Variants in GTF2I observed in about 807,000 individuals in gnomAD.
GTF2I encodes general transcription factor II-I.
GTF2I carries 12 observed loss-of-function variants against 67.6 expected under a neutral mutation model. That is an observed-to-expected ratio of 0.18 (90% CI 0.11 to 0.29). GTF2I has a LOEUF of 0.29. Ranked by LOEUF, GTF2I falls within the 10% of genes least tolerant of loss-of-function variation. The pLI, the probability that GTF2I is intolerant of heterozygous loss-of-function variation, is 1.00. For missense variants in GTF2I, 271 were observed against 580.1 expected, an observed-to-expected ratio of 0.47 and a Z score of 5.47; for synonymous variants, 149 against 197.0, an observed-to-expected ratio of 0.76 and a Z score of 2.04.
At chr7:74,705,327 A>G (rs1554401067) in intron 7 of GTF2I, 109 bp downstream of exon 7, 1 of 712,262 alleles carries the variant, frequency 1.4e-6, no homozygotes, top group Non-Finnish European at 2.5e-6. Flanking sequence ...CACACATCTT[A>G]AAGTTTAATA....
At chr7:74,688,887 T>C (rs1391653650) in intron 1 of GTF2I, 3 of 418,022 alleles carry the variant, frequency 7.2e-6, no homozygotes, top group Non-Finnish European at 1.3e-5. Flanking sequence ...CTGGATTTAT[T>C]TGGGGTGTGA....
intron 1 of GTF2I, among the ~76,000 whole-genome samples, chr7:74,688,393 T>C (rs1554396001): frequency 6.6e-6 from 1 of 152,188 alleles, no homozygotes; most frequent in Non-Finnish European, 1.5e-5. Context: ...TGTTTTTATA[T>C]GGTGTGTTGT....
rs782205618 is a variant in GTF2I, at chr7:74,714,873, T to C, written c.780T>C (p.Thr260=). The C allele has an allele frequency of 4.4e-6, 7 of 1,607,114 alleles. No homozygotes were observed. The East Asian group carries it at 1.6e-4, about 36-fold the overall frequency. The change falls in exon 10 of 35, where the codon ACT becomes ACC. Residue 260 remains threonine (T), a synonymous_variant. Transcript: ENST00000573035. ...QYNIQAGPSE[T]DDVDEKQPLS... is the part of the protein sequence containing the mutation. The stretch of plus-strand genomic sequence containing the variant: ...ATCCCAAAGCAGGCCCTTCTGAAAC[T>C]GATGATGTTGATGAAAAACAGCCCC...
chr7:74,731,601 G>A (rs1794486418), intron 14 of GTF2I, among the ~76,000 whole-genome samples: 1 of 148,990 alleles, frequency 6.7e-6, no homozygotes, highest in Non-Finnish European at 1.5e-5. Context: ...CTAGTCTGGA[G>A]TGGCACGATC....
chr7:74,672,368 C>G (rs1243869250), intron 1 of GTF2I, among the ~76,000 whole-genome samples: 1 of 151,988 alleles, frequency 6.6e-6, no homozygotes, highest in African/African-American at 2.4e-5. Flanking sequence ...TGGTGAAACC[C>G]CGTCTCTACT....
At position 74,739,022 on chromosome 7, in the gene GTF2I, A is replaced by G. The variant is rs1248472517; in HGVS notation, c.1678+919A>G. Among the ~76,000 whole-genome samples the G allele has an allele frequency of 1.0e-4, 3 of 29,608 alleles. No individual in the cohort carries two copies. The Admixed American group carries it at 1.4e-3, about 14-fold the overall frequency. 19.4% of individuals were successfully genotyped at this position (29,608 alleles called of 152,430 possible). On this transcript the variant is annotated intron_variant, in intron 19 of 34. Transcript: ENST00000573035. Reference sequence around the variant, plus strand: ...CTAAGTGTGCCTTTATTTCTTTCCTATCTTTTTTTTTTTTTTTTTTTTTTT... The same window carrying G: ...CTAAGTGTGCCTTTATTTCTTTCCTGTCTTTTTTTTTTTTTTTTTTTTTTT...
At chr7:74,682,654 C>A (rs1336472156) in intron 1 of GTF2I, among the ~76,000 whole-genome samples, 2 of 152,094 alleles carry the variant, frequency 1.3e-5, no homozygotes, top group Admixed American at 1.3e-4. Context: ...CGTAAAATAA[C>A]TAACTCACTA....
chr7:74,674,427 A>G (rs1805721739), intron 1 of GTF2I, among the ~76,000 whole-genome samples: 1 of 152,316 alleles, frequency 6.6e-6, no homozygotes, highest in Admixed American at 6.5e-5. Flanking sequence ...ACTTGCTCAC[A>G]TATCTTTCAC....
At chr7:74,704,014 T>A (rs1554400552) in intron 6 of GTF2I, among the ~76,000 whole-genome samples, 1 of 152,162 alleles carries the variant, frequency 6.6e-6, no homozygotes, top group Non-Finnish European at 1.5e-5. Context: ...ATCAAGACAA[T>A]TTACCCCTTT....
intron 12 of GTF2I, chr7:74,726,364 C>G (rs1018695665): frequency 6.6e-6 from 1 of 152,054 alleles, no homozygotes; most frequent in Admixed American, 6.6e-5. Context: ...GTTGGAAAAT[C>G]GGGTTTTTTA....
intron 6 of GTF2I, among the ~76,000 whole-genome samples, chr7:74,701,553 C>T (rs1554399901): frequency 6.6e-6 from 1 of 152,114 alleles, no homozygotes. Flanking sequence ...TCACTGCAGC[C>T]TCTGCTTCCC....
chr7:74,696,360 C>A (rs1158484179), intron 3 of GTF2I, among the ~76,000 whole-genome samples: 1 of 151,718 alleles, frequency 6.6e-6, no homozygotes, highest in East Asian at 1.9e-4. Flanking sequence ...GAGACAGAGT[C>A]TCACTATCGC....
chr7:74,664,494 C>T (rs1160856621), intron 1 of GTF2I, among the ~76,000 whole-genome samples: 2 of 152,114 alleles, frequency 1.3e-5, no homozygotes, highest in Admixed American at 6.6e-5. Flanking sequence ...AGTGCAATGG[C>T]GCGATCTCGG....
chr7:74,674,773 C>T lies in GTF2I; in HGVS notation c.-5-14351C>T, dbSNP rs183562324. Among the ~76,000 whole-genome samples, 1,221 of 151,788 alleles carry T rather than the reference C, an allele frequency of 8.0e-3. 10 individuals are homozygous for T. The highest frequency in any genetic ancestry group is 0.013 in the Non-Finnish European group (873 of 67,948). On this transcript the variant is annotated intron_variant, in intron 1 of 34. Coordinates refer to ENST00000573035, the MANE Select transcript of GTF2I (RefSeq NM_032999.4). Reference sequence around the variant, plus strand: ...TGTTGGTCAGGCTGGTCTTGAACTCCCAACCTCAGGTGATCCGCCCACCTC... The same window carrying T: ...TGTTGGTCAGGCTGGTCTTGAACTCTCAACCTCAGGTGATCCGCCCACCTC...
chr7:74,685,773 A>C (rs1325426014), intron 1 of GTF2I, among the ~76,000 whole-genome samples: 9 of 152,004 alleles, frequency 5.9e-5, no homozygotes, highest in Non-Finnish European at 1.3e-4. Flanking sequence ...TCTTAAAAAA[A>C]GAAAAAAAAA....
rs1446205472 is a variant in GTF2I, at chr7:74,735,761, C to T, written c.1435+229C>T. ...TCAGCTCACTGCAACCTCCTCCTCC[C>T]GGGTTCAAGCAATTCTCCTGCCTCA... On this transcript the variant is annotated intron_variant, in intron 17 of 34. Transcript: ENST00000573035. Among the ~76,000 whole-genome samples the T allele has an allele frequency of 2.2e-3, 163 of 72,614 alleles. 6 individuals carry two copies. In the East Asian group the frequency reaches 0.037, roughly 16 times the overall value. The allele number at this position is 72,614 out of a possible 152,430, so 47.6% of individuals were successfully genotyped here.
At position 74,704,847 on chromosome 7, in the gene GTF2I, CCT is replaced by C. The variant is rs782111236; in HGVS notation, c.587-316_587-315del. Among the ~76,000 whole-genome samples, 496 of 83,718 alleles carry C rather than the reference CCT, an allele frequency of 5.9e-3. 2 individuals carry two copies. Among genetic ancestry groups the C allele is most frequent in the Non-Finnish European group, 6.4e-3 (296 of 46,430 alleles). 54.9% of individuals were successfully genotyped at this position (83,718 alleles called of 152,430 possible). A position where few individuals can be genotyped will look rare whatever the true frequency, so the allele number is the denominator to read the frequency against. On this transcript the variant is annotated intron_variant, in intron 6 of 34. Transcript: ENST00000573035. ...ACCAACCTGGGCAACAGAGTAAAAC[CCT>C]GTTTCTAAAAAAAAAAAAAAAAAAA...
intron 1 of GTF2I, among the ~76,000 whole-genome samples, chr7:74,663,739 G>A (rs1241173763): frequency 5.3e-5 from 8 of 152,154 alleles, no homozygotes; most frequent in Admixed American, 2.6e-4. Flanking sequence ...ACTCATACTC[G>A]GTTAACTAAA....
chr7:74,718,106 C>T (rs782096590), intron 11 of GTF2I, among the ~76,000 whole-genome samples: 3 of 152,210 alleles, frequency 2.0e-5, no homozygotes, highest in Non-Finnish European at 2.9e-5. Flanking sequence ...TGCAGCCCCG[C>T]CGGCAGGTAC....
Sources: allele counts gnomAD v4.1 joint callset (sites outside exome capture counted in the v4.1 genomes callset), GRCh38; gene constraint gnomAD v4.1.1; transcripts MANE v1.5; gene names NCBI Gene and HGNC (gene_info 2026-07-23, HGNC 2026-07-21).